SNX29: variants seen among roughly 807,000 people sequenced by gnomAD.
SNX29 encodes the protein sorting nexin-29.
SNX29 carries 78 observed loss-of-function variants against 102.1 expected under a neutral mutation model. The ratio of observed to expected loss-of-function variants is 0.76; its 90% CI spans 0.64 to 0.92. SNX29 has a LOEUF of 0.92. SNX29 is among the 40% of genes least tolerant of loss of function. The pLI, the probability that SNX29 is intolerant of heterozygous loss-of-function variation, is 0.00. For synonymous variants in SNX29, 580 were observed against 414.5 expected (o/e 1.40, Z -4.85); for missense variants, 1,280 against 1,061.7 (o/e 1.21, Z -2.86).
At chr16:12,506,699 G>A (rs1233167042) in intron 19 of SNX29, among the ~76,000 whole-genome samples, 1 of 152,160 alleles carries the variant, frequency 6.6e-6, no homozygotes, top group African/African-American at 2.4e-5. Flanking sequence ...CATATCAAGG[G>A]CTTAAGACAA....
chr16:12,517,647 C>T (rs373368412), intron 19 of SNX29, among the ~76,000 whole-genome samples: 23 of 152,222 alleles, frequency 1.5e-4, no homozygotes, highest in African/African-American at 5.5e-4. Context: ...TAGGCTCCGG[C>T]GATAAAGGGA....
chr16:12,117,588 A>T (rs938814333), intron 11 of SNX29, among the ~76,000 whole-genome samples: 1 of 152,226 alleles, frequency 6.6e-6, no homozygotes, highest in Non-Finnish European at 1.5e-5. Flanking sequence ...TAGAGACGCA[A>T]TGTGGATCAG....
In SNX29 at chr16:12,037,523, A is replaced by G. The variant is rs59926980; in HGVS notation, c.248-5374A>G. Among the ~76,000 whole-genome samples the G allele has an allele frequency of 5.5e-4, 84 of 152,226 alleles. No individual in the cohort carries two copies. The East Asian group carries it at 0.013, about 24-fold the overall frequency. On this transcript the variant is annotated intron_variant, in intron 4 of 20. Coordinates refer to ENST00000566228, the MANE Select transcript of SNX29 (RefSeq NM_032167.5). ...ATATTAAAAAAAACGAAAGTTGCAT[A>G]TGCCATGGTTCCGGCCAGTTAATTG...
At chr16:12,023,186 T>C (rs2057081386) in intron 3 of SNX29, among the ~76,000 whole-genome samples, 1 of 152,078 alleles carries the variant, frequency 6.6e-6, no homozygotes, top group Non-Finnish European at 1.5e-5. Context: ...TGTGAGCTAC[T>C]GCACCCCACC....
intron 15 of SNX29, among the ~76,000 whole-genome samples, chr16:12,316,934 C>G (rs561092043): frequency 2.6e-4 from 39 of 152,292 alleles, no homozygotes; most frequent in African/African-American, 8.7e-4. Flanking sequence ...TTATTGGATT[C>G]AAAATTGATC....
intron 18 of SNX29, 39 bp from the exon 19 acceptor site, chr16:12,477,680 A>T: frequency 6.3e-7 from 1 of 1,597,692 alleles, no homozygotes; most frequent in Non-Finnish European, 8.5e-7. Context: ...CTTTATAATA[A>T]GGGTTTAAGA....
intron 15 of SNX29, among the ~76,000 whole-genome samples, chr16:12,325,465 AC>A (rs1389465871): frequency 1.6e-4 from 24 of 152,212 alleles, no homozygotes; most frequent in African/African-American, 5.5e-4. Flanking sequence ...ATGGGAAAAA[AC>A]TACATTTAAG....
At chr16:12,313,931 T>C (rs1411706896) in intron 15 of SNX29, among the ~76,000 whole-genome samples, 1 of 152,280 alleles carries the variant, frequency 6.6e-6, no homozygotes, top group East Asian at 1.9e-4. Context: ...GTGGAGGGCC[T>C]AGGACTCAAG....
At chr16:12,242,432 A>G (rs1332578743) in intron 14 of SNX29, among the ~76,000 whole-genome samples, 1 of 146,168 alleles carries the variant, frequency 6.8e-6, no homozygotes, top group Non-Finnish European at 1.5e-5. Flanking sequence ...GTGAGTCTTG[A>G]TGTTCATAGT....
chr16:11,976,765 C>T lies in SNX29; in HGVS notation c.-42C>T. 1.5e-6 allele frequency: 2 copies of T among 1,294,512 alleles called. No homozygotes were observed. Among genetic ancestry groups the T allele is most frequent in the Non-Finnish European group, 2.0e-6 (2 of 1,015,022 alleles). The allele number at this position is 1,294,512 out of a possible 1,614,324, so 80.2% of individuals were successfully genotyped here. ...AGCTCGGCAGCCGCAGAAGCGGCAG[C>T]GGCGGCGGCGCGGCGCAGGCACCGG... On this transcript the variant is annotated 5_prime_UTR_variant, in exon 1 of 21. Transcript: ENST00000566228.
At chr16:12,282,083 CAAAA>C (rs758827865) in intron 15 of SNX29, among the ~76,000 whole-genome samples, 4 of 62,050 alleles carry the variant, frequency 6.4e-5, no homozygotes, top group Non-Finnish European at 1.1e-4. Context: ...GACTCCATCT[CAAAA>C]AAAAAAAAAA....
At chr16:12,246,601 C>G (rs766977935) in intron 14 of SNX29, among the ~76,000 whole-genome samples, 43 of 152,160 alleles carry the variant, frequency 2.8e-4, no homozygotes, top group Non-Finnish European at 5.0e-4. Context: ...GATCGTGCCA[C>G]TGGGTGACAG....
intron 20 of SNX29, among the ~76,000 whole-genome samples, chr16:12,541,172 T>C (rs1302288534): frequency 1.3e-5 from 2 of 152,180 alleles, no homozygotes; most frequent in African/African-American, 4.8e-5. Flanking sequence ...CTGGAACCTC[T>C]TCCTCAGTAT....
chr16:12,155,149 C>G (rs1358257787), intron 13 of SNX29, among the ~76,000 whole-genome samples: 2 of 152,158 alleles, frequency 1.3e-5, no homozygotes, highest in Non-Finnish European at 2.9e-5. Flanking sequence ...CCCACCACCC[C>G]TTCCGCGCCC....
At chr16:12,539,781 T>G (rs2077241892) in intron 20 of SNX29, among the ~76,000 whole-genome samples, 1 of 152,234 alleles carries the variant, frequency 6.6e-6, no homozygotes, top group Non-Finnish European at 1.5e-5. Context: ...TCCTAATGAG[T>G]AATGATGTTG....
intron 18 of SNX29, among the ~76,000 whole-genome samples, chr16:12,445,273 G>A (rs946153951): frequency 5.9e-5 from 9 of 152,270 alleles, no homozygotes; most frequent in South Asian, 2.1e-4. Flanking sequence ...GACAGAGCCC[G>A]TATTATCCAC....
At chr16:12,037,167 C>A (rs929757422) in intron 4 of SNX29, among the ~76,000 whole-genome samples, 7 of 152,148 alleles carry the variant, frequency 4.6e-5, no homozygotes, top group South Asian at 2.1e-4. Flanking sequence ...GTGAGCCATG[C>A]GATCTCTATC....
chr16:12,185,084 A>G (rs2076478410), intron 13 of SNX29, among the ~76,000 whole-genome samples: 1 of 152,192 alleles, frequency 6.6e-6, no homozygotes. Flanking sequence ...TTATTTTTAT[A>G]CCATGTTCTT....
chr16:12,094,951 G>A (rs1031204877), intron 11 of SNX29: 1 of 152,084 alleles, frequency 6.6e-6, no homozygotes, highest in African/African-American at 2.4e-5. Flanking sequence ...ATCCCAGGGA[G>A]CATTTGTTTG....
Sources: allele counts gnomAD v4.1 joint callset (sites outside exome capture counted in the v4.1 genomes callset), GRCh38; gene constraint gnomAD v4.1.1; transcripts MANE v1.5; gene names NCBI Gene and HGNC (gene_info 2026-07-23, HGNC 2026-07-21).